ADAMTSL1: variants seen among roughly 807,000 people sequenced by gnomAD.
ADAMTSL1 encodes ADAMTS-like protein 1.
In ADAMTSL1, 126 loss-of-function variants were observed where a neutral mutation model predicts 201.8. The observed-to-expected ratio is 0.62, with a 90% CI of 0.54 to 0.72. The LOEUF is 0.72. ADAMTSL1 is among the 30% of genes least tolerant of loss of function. The probability of loss-of-function intolerance (pLI) is 0.00; values close to 1 mark genes in which losing one functional copy is unlikely to be tolerated. For synonymous variants in ADAMTSL1, 1,121 were observed against 903.4 expected, an observed-to-expected ratio of 1.24 and a Z score of -4.32; for missense variants, 2,679 against 2,277.8, an observed-to-expected ratio of 1.18 and a Z score of -3.59.
intron 1 of ADAMTSL1, among the ~76,000 whole-genome samples, chr9:18,006,718 C>G (rs1167238233): frequency 5.3e-5 from 8 of 152,082 alleles, no homozygotes; most frequent in Admixed American, 2.6e-4. Flanking sequence ...CTCTCACATT[C>G]TATGTGTTCT....
chr9:17,960,661 A>G (rs942956017), intron 1 of ADAMTSL1, among the ~76,000 whole-genome samples: 14 of 152,234 alleles, frequency 9.2e-5, no homozygotes, highest in African/African-American at 2.9e-4. Context: ...TTAATGTCTA[A>G]TAGCCCAGTG....
At chr9:18,326,780 G>C (rs755941065) in intron 2 of ADAMTSL1, among the ~76,000 whole-genome samples, 1 of 152,104 alleles carries the variant, frequency 6.6e-6, no homozygotes, top group Non-Finnish European at 1.5e-5. Flanking sequence ...CCACTTTATA[G>C]TATTTGAGTA....
At chr9:18,777,934 G>T in intron 19 of ADAMTSL1, 28 bp downstream of exon 19, 1 of 1,517,888 alleles carries the variant, frequency 6.6e-7, no homozygotes, top group Non-Finnish European at 8.8e-7. Flanking sequence ...CCTGGTCTTG[G>T]GAGGGAGGCA....
intron 21 of ADAMTSL1, among the ~76,000 whole-genome samples, chr9:18,822,080 C>A (rs1298605762): frequency 1.3e-5 from 2 of 152,112 alleles, no homozygotes; most frequent in African/African-American, 4.8e-5. Flanking sequence ...AACGTGGGTT[C>A]TTTTCCTTCG....
chr9:18,357,260 A>T (rs1836293014), intron 2 of ADAMTSL1, among the ~76,000 whole-genome samples: 1 of 152,140 alleles, frequency 6.6e-6, no homozygotes. Context: ...ATTTTTTTTC[A>T]ATTAGCTCAA....
At chr9:18,447,699 T>C (rs1820247676) in intron 2 of ADAMTSL1, among the ~76,000 whole-genome samples, 2 of 152,210 alleles carry the variant, frequency 1.3e-5, no homozygotes, top group Non-Finnish European at 2.9e-5. Context: ...GCTAGACCCT[T>C]TCTGAATGTC....
chr9:18,022,083 T>C (rs1820500554), intron 1 of ADAMTSL1, among the ~76,000 whole-genome samples: 1 of 152,046 alleles, frequency 6.6e-6, no homozygotes, highest in Non-Finnish European at 1.5e-5. Flanking sequence ...CTTGTTTTGC[T>C]CTCCTAATAC....
intron 1 of ADAMTSL1, among the ~76,000 whole-genome samples, chr9:17,980,354 C>T (rs1455312920): frequency 6.6e-6 from 1 of 152,054 alleles, no homozygotes; most frequent in South Asian, 2.1e-4. Context: ...CATTTTCCAT[C>T]TTTTTGCCTC....
Position 18,905,775 on chromosome 9 carries a change from T to C in ADAMTSL1, c.4852-7T>C, listed in dbSNP as rs889145052. On this transcript the variant is annotated splice_polypyrimidine_tract_variant and splice_region_variant and intron_variant, in intron 26 of 28. Transcript: ENST00000380548. ...TGTGCGGTATGTTACCTTTTTCTGC[T>C]TTCCAGTGCAATGGGCCTTGCATCG... 1 of 1,610,448 alleles carries C rather than the reference T, an allele frequency of 6.2e-7. No homozygotes were observed. Among genetic ancestry groups the C allele is most frequent in the African/African-American group, 1.3e-5 (1 of 74,882 alleles).
chr9:18,657,835 G>A, intron 8 of ADAMTSL1, 85 bp downstream of exon 8: 6 of 1,177,352 alleles, frequency 5.1e-6, no homozygotes, highest in Non-Finnish European at 7.5e-6. Context: ...CTTCAGCATG[G>A]AAGAAATTTT....
At chr9:17,945,916 T>C (rs956542814) in intron 1 of ADAMTSL1, among the ~76,000 whole-genome samples, 3 of 151,664 alleles carry the variant, frequency 2.0e-5, no homozygotes, top group Non-Finnish European at 2.9e-5. Context: ...TGTATACATA[T>C]GTAACTAACC....
At chr9:18,096,484 C>A (rs1315587738) in intron 1 of ADAMTSL1, among the ~76,000 whole-genome samples, 1 of 152,166 alleles carries the variant, frequency 6.6e-6, no homozygotes. Context: ...TGGTACCACT[C>A]TGTGGCCAGA....
chr9:18,668,947 T>C (rs1250196468), intron 9 of ADAMTSL1, among the ~76,000 whole-genome samples: 2 of 152,260 alleles, frequency 1.3e-5, no homozygotes, highest in African/African-American at 2.4e-5. Flanking sequence ...CAAATTGGGA[T>C]GTGGATCTAA....
At chr9:18,723,166 G>A in intron 15 of ADAMTSL1, 1 of 718,342 alleles carries the variant, frequency 1.4e-6, no homozygotes, top group Non-Finnish European at 2.6e-6. Flanking sequence ...AAGTGAACTG[G>A]TTGTACCTGA....
chr9:18,136,488 G>T (rs1441580321), intron 1 of ADAMTSL1, among the ~76,000 whole-genome samples: 1 of 152,096 alleles, frequency 6.6e-6, no homozygotes, highest in Non-Finnish European at 1.5e-5. Context: ...AGAGATAACT[G>T]TGTAAACAGG....
At chr9:18,219,898 GT>G (rs1328033330) in intron 2 of ADAMTSL1, among the ~76,000 whole-genome samples, 6 of 151,806 alleles carry the variant, frequency 4.0e-5, no homozygotes, top group East Asian at 1.9e-4. Context: ...TCTCATATTA[GT>G]TTTTTTTCTA....
intron 2 of ADAMTSL1, among the ~76,000 whole-genome samples, chr9:18,459,229 T>C (rs1294863119): frequency 6.6e-6 from 1 of 152,192 alleles, no homozygotes; most frequent in Non-Finnish European, 1.5e-5. Context: ...CAGCTTATGT[T>C]ATAGTGAAAT....
At chr9:18,506,630 G>A (rs1314308327) in intron 2 of ADAMTSL1, among the ~76,000 whole-genome samples, 1 of 152,150 alleles carries the variant, frequency 6.6e-6, no homozygotes, top group Non-Finnish European at 1.5e-5. Flanking sequence ...TAAGTTAAAG[G>A]TCTAGGTGTT....
intron 7 of ADAMTSL1, among the ~76,000 whole-genome samples, chr9:18,652,365 CAAAAAAA>C (rs34900718): frequency 1.1e-5 from 1 of 94,962 alleles, no homozygotes. Flanking sequence ...AACTCCATCT[CAAAAAAA>C]AAAAAAAAAA....
Sources: gnomAD v4.1 joint callset for allele counts (sites outside exome capture counted in the v4.1 genomes callset) on GRCh38, gnomAD v4.1.1 for gene constraint, MANE v1.5 for transcripts, NCBI Gene and HGNC (gene_info 2026-07-23, HGNC 2026-07-21) for gene names.